DNER: variants seen among roughly 807,000 people sequenced by gnomAD.
DNER encodes the protein delta and Notch-like epidermal growth factor-related receptor.
A neutral mutation model predicts 78.2 loss-of-function variants in DNER; 33 were observed. The ratio of observed to expected loss-of-function variants is 0.42; its 90% CI spans 0.32 to 0.56. DNER has a LOEUF of 0.56. DNER is among the 20% of genes least tolerant of loss of function. The pLI is 0.11. For missense variants in DNER, 918 were observed against 975.3 expected (o/e 0.94, Z 0.78); for synonymous variants, 417 against 384.8 (o/e 1.08, Z -0.98).
intron 1 of DNER, among the ~76,000 whole-genome samples, chr2:229,640,882 T>C (rs1472531777): frequency 6.6e-6 from 1 of 152,160 alleles, no homozygotes. Flanking sequence ...TGAGTTGCGG[T>C]TCGGCTGAGT....
At chr2:229,460,151 C>T (rs1185042103) in intron 7 of DNER, among the ~76,000 whole-genome samples, 4 of 72,850 alleles carry the variant, frequency 5.5e-5, no homozygotes, top group African/African-American at 1.2e-4. Context: ...AGTGAGACTC[C>T]GTCTCAAAAA....
chr2:229,491,168 C>T (rs765700818), intron 6 of DNER, among the ~76,000 whole-genome samples: 14 of 152,222 alleles, frequency 9.2e-5, no homozygotes, highest in Non-Finnish European at 1.8e-4. Context: ...TGCTCCGGCT[C>T]TTCAAACACG....
At chr2:229,546,863 A>G (rs752232733) in intron 5 of DNER, 84 bp downstream of exon 5, 108 of 1,565,360 alleles carry the variant, frequency 6.9e-5, no homozygotes, top group Non-Finnish European at 9.1e-5. Flanking sequence ...TGAAAGGGGT[A>G]AGAACACACA....
At chr2:229,663,513 T>A (rs947503490) in intron 1 of DNER, among the ~76,000 whole-genome samples, 5 of 152,252 alleles carry the variant, frequency 3.3e-5, no homozygotes, top group Admixed American at 1.3e-4. Context: ...ACAGACACTC[T>A]AAAAGAGTAC....
intron 9 of DNER, among the ~76,000 whole-genome samples, chr2:229,413,295 T>C (rs1693563757): frequency 1.4e-5 from 2 of 147,844 alleles, no homozygotes; most frequent in South Asian, 2.2e-4. Flanking sequence ...TTCCCCCTCA[T>C]TGCTTTTCTT....
chr2:229,575,818 T>C (rs1391467357), intron 4 of DNER, among the ~76,000 whole-genome samples: 1 of 152,220 alleles, frequency 6.6e-6, no homozygotes, highest in Non-Finnish European at 1.5e-5. Flanking sequence ...AAATAGGGCA[T>C]GGAGTTCAGG....
intron 1 of DNER, among the ~76,000 whole-genome samples, chr2:229,701,289 T>C (rs548208538): frequency 6.6e-6 from 1 of 152,366 alleles, no homozygotes; most frequent in Admixed American, 6.5e-5. Flanking sequence ...TACAATTATT[T>C]GACAAGAATT....
chr2:229,702,745 A>G (rs1386937886), intron 1 of DNER, among the ~76,000 whole-genome samples: 1 of 149,880 alleles, frequency 6.7e-6, no homozygotes, highest in Non-Finnish European at 1.5e-5. Flanking sequence ...GTGAAACCCC[A>G]TCTCTATTAA....
At chr2:229,592,603 T>G (rs1306298911) in intron 1 of DNER, among the ~76,000 whole-genome samples, 1 of 152,210 alleles carries the variant, frequency 6.6e-6, no homozygotes, top group African/African-American at 2.4e-5. Context: ...GTTTCAATTA[T>G]GCTCATGGTC....
rs1299918079 is a variant in DNER at position 229,386,981 on chromosome 2, T to C, written c.1855+1284A>G. Among the ~76,000 whole-genome samples, 7 of 152,290 alleles carry C rather than the reference T, an allele frequency of 4.6e-5. No homozygotes were observed. In the East Asian group the frequency reaches 7.7e-4, roughly 17 times the overall value. ...CCCAGCAATCTCATTACTGGGTATA[T>C]ACCCAAAGGATTATAAATCATTCTA... is the stretch of plus-strand genomic sequence containing the variant. On this transcript the variant is annotated intron_variant, in intron 11 of 12. Transcript: ENST00000341772.
chr2:229,382,092 C>G (rs928223059), intron 11 of DNER, among the ~76,000 whole-genome samples: 1 of 152,200 alleles, frequency 6.6e-6, no homozygotes, highest in Non-Finnish European at 1.5e-5. Context: ...CTTTGCTGTT[C>G]CACAGCCTCC....
intron 6 of DNER, among the ~76,000 whole-genome samples, chr2:229,477,505 G>A (rs1269810085): frequency 1.3e-5 from 2 of 152,158 alleles, no homozygotes; most frequent in East Asian, 1.9e-4. Context: ...CATTTCTTCG[G>A]CATTAGGTCT....
At chr2:229,522,587 A>T (rs1377426867) in intron 5 of DNER, among the ~76,000 whole-genome samples, 1 of 152,228 alleles carries the variant, frequency 6.6e-6, no homozygotes, top group Admixed American at 6.5e-5. Flanking sequence ...TTAGCCCTCT[A>T]GTTATTTCCT....
At chr2:229,621,959 G>C (rs1698258167) in intron 1 of DNER, among the ~76,000 whole-genome samples, 1 of 152,170 alleles carries the variant, frequency 6.6e-6, no homozygotes, top group Non-Finnish European at 1.5e-5. Context: ...GGTGGCAGGT[G>C]CCTGTAGTCC....
chr2:229,573,596 C>T (rs115629506), intron 4 of DNER, among the ~76,000 whole-genome samples: 2,870 of 152,088 alleles, frequency 0.019, 103 homozygotes, highest in African/African-American at 0.065. Flanking sequence ...ATTCTGACCT[C>T]GTAAAAAGTC....
intron 10 of DNER, among the ~76,000 whole-genome samples, chr2:229,389,420 T>C (rs767642820): frequency 1.3e-5 from 2 of 151,594 alleles, no homozygotes; most frequent in African/African-American, 2.4e-5. Flanking sequence ...TATTTCAAAT[T>C]GAGGCACTCC....
chr2:229,558,111 G>A (rs150372891), intron 4 of DNER, among the ~76,000 whole-genome samples: 2,907 of 152,208 alleles, frequency 0.019, 80 homozygotes, highest in African/African-American at 0.058. Context: ...ATTATCCTTA[G>A]CAAACTAACA....
At chr2:229,688,849 TG>T (rs1699525812) in intron 1 of DNER, among the ~76,000 whole-genome samples, 1 of 152,124 alleles carries the variant, frequency 6.6e-6, no homozygotes, top group African/African-American at 2.4e-5. Flanking sequence ...TACAGGGACA[TG>T]GAGCTGGAAG....
At chr2:229,589,263 G>T (rs986835025) in intron 2 of DNER, among the ~76,000 whole-genome samples, 2 of 152,098 alleles carry the variant, frequency 1.3e-5, no homozygotes, top group Non-Finnish European at 2.9e-5. Flanking sequence ...CATCATCACA[G>T]AATTAATTGA....
Sources: allele counts gnomAD v4.1 joint callset (sites outside exome capture counted in the v4.1 genomes callset), GRCh38; gene constraint gnomAD v4.1.1; transcripts MANE v1.5; gene names NCBI Gene and HGNC (gene_info 2026-07-23, HGNC 2026-07-21).